Variants in LSAMP observed in about 807,000 individuals in gnomAD.
LSAMP encodes the protein limbic system-associated membrane protein.
A neutral mutation model predicts 38.6 loss-of-function variants in LSAMP; 7 were observed. The observed-to-expected ratio is 0.18, with a 90% CI of 0.10 to 0.34. LSAMP has a LOEUF of 0.34. LSAMP is among the 10% of genes least tolerant of loss of function. LSAMP has a pLI of 1.00. For synonymous variants in LSAMP, 154 were observed against 166.8 expected (o/e 0.92, Z 0.59); for missense variants, 313 against 420.0 (o/e 0.75, Z 2.23).
intron 1 of LSAMP, among the ~76,000 whole-genome samples, chr3:116,093,353 C>T (rs540714800): frequency 5.3e-5 from 8 of 152,288 alleles, no homozygotes; most frequent in Admixed American, 3.3e-4. Context: ...TTGACAGGAT[C>T]GAGGTTGAAA....
At chr3:115,832,341 A>G (rs1335953268) in intron 6 of LSAMP, among the ~76,000 whole-genome samples, 1 of 152,182 alleles carries the variant, frequency 6.6e-6, no homozygotes, top group East Asian at 1.9e-4. Flanking sequence ...ATTTTACGTC[A>G]ACCAATCTCT....
rs139608765 is a variant in LSAMP at position 116,167,614 on chromosome 3, A to G, written c.156-81058T>C. On this transcript the variant is annotated intron_variant, in intron 1 of 6. Transcript: ENST00000490035. ...TATCCATTTATCTGTCCTTCCATCC[A>G]TCTATTGAATTCTTGTCATGGACCA... 1.6e-4 allele frequency among the ~76,000 whole-genome samples: 24 copies of G among 152,248 alleles called. No homozygotes were observed. In the East Asian group the frequency reaches 4.6e-3, roughly 29 times the overall value.
At chr3:116,432,269 C>T (rs886959127) in intron 1 of LSAMP, among the ~76,000 whole-genome samples, 7 of 151,668 alleles carry the variant, frequency 4.6e-5, no homozygotes, top group East Asian at 1.9e-4. Flanking sequence ...ATTTTGTGTA[C>T]GTAAATTTTA....
intron 3 of LSAMP, among the ~76,000 whole-genome samples, chr3:115,940,767 T>A (rs2107558710): frequency 6.6e-6 from 1 of 152,342 alleles, no homozygotes; most frequent in Middle Eastern, 3.4e-3. Flanking sequence ...CCAGTCTATG[T>A]GTCTGCTTTC....
chr3:116,427,418 C>A (rs548630442), intron 1 of LSAMP, among the ~76,000 whole-genome samples: 67 of 152,340 alleles, frequency 4.4e-4, no homozygotes, highest in African/African-American at 1.6e-3. Context: ...CCGCGCCCGG[C>A]CCAAGACTCA....
intron 1 of LSAMP, among the ~76,000 whole-genome samples, chr3:116,132,358 G>A (rs1296672705): frequency 6.6e-6 from 1 of 152,058 alleles, no homozygotes; most frequent in Admixed American, 6.6e-5. Context: ...GCTGTGATAA[G>A]CCTCAGCCAG....
At chr3:116,424,222 G>A (rs960477704) in intron 1 of LSAMP, among the ~76,000 whole-genome samples, 1 of 152,162 alleles carries the variant, frequency 6.6e-6, no homozygotes, top group African/African-American at 2.4e-5. Flanking sequence ...GGCAATGTAT[G>A]TGACATGTCT....
At chr3:115,942,057 A>G (rs984613069) in intron 3 of LSAMP, among the ~76,000 whole-genome samples, 4 of 152,040 alleles carry the variant, frequency 2.6e-5, no homozygotes, top group Non-Finnish European at 5.9e-5. Flanking sequence ...ATTACTTGAC[A>G]ATTGTTTTTA....
chr3:116,166,578 AT>A (rs1710054611), intron 1 of LSAMP, among the ~76,000 whole-genome samples: 1 of 152,178 alleles, frequency 6.6e-6, no homozygotes, highest in Non-Finnish European at 1.5e-5. Flanking sequence ...GTGTCTGTGT[AT>A]ATATGCATGT....
At chr3:116,244,585 A>G (rs943605835) in intron 1 of LSAMP, among the ~76,000 whole-genome samples, 3 of 152,186 alleles carry the variant, frequency 2.0e-5, no homozygotes, top group African/African-American at 7.2e-5. Context: ...TAAGCATGCT[A>G]TCTTCAAACA....
At chr3:116,032,436 G>A (rs1305349881) in intron 2 of LSAMP, among the ~76,000 whole-genome samples, 1 of 152,122 alleles carries the variant, frequency 6.6e-6, no homozygotes, top group Non-Finnish European at 1.5e-5. Context: ...AAGCTAGAGA[G>A]TGAAAGTACT....
Position 116,409,936 on chromosome 3 carries a change from T to C in LSAMP, c.155+34941A>G, listed in dbSNP as rs528050431. ...CTCTCCCACTACGTGTCTGCTCAGATTCCTAACTCTGCCTCCTCTGCCACG... is the reference window on the plus strand; with the variant it reads ...CTCTCCCACTACGTGTCTGCTCAGACTCCTAACTCTGCCTCCTCTGCCACG... On this transcript the variant is annotated intron_variant, in intron 1 of 6. Coordinates refer to ENST00000490035, the MANE Select transcript of LSAMP (RefSeq NM_002338.5). Among the ~76,000 whole-genome samples the C allele has an allele frequency of 1.4e-3, 212 of 152,082 alleles. 2 individuals are homozygous for C. The highest frequency in any genetic ancestry group is 2.6e-3 in the Non-Finnish European group (175 of 67,994).
intron 1 of LSAMP, among the ~76,000 whole-genome samples, chr3:116,137,147 GTCT>G (rs773031216): frequency 7.9e-5 from 12 of 151,914 alleles, no homozygotes; most frequent in South Asian, 2.1e-4. Flanking sequence ...GTGTCTCTCT[GTCT>G]TCTTCTTTTT....
At chr3:116,264,211 T>C (rs2046866689) in intron 1 of LSAMP, among the ~76,000 whole-genome samples, 1 of 152,244 alleles carries the variant, frequency 6.6e-6, no homozygotes, top group African/African-American at 2.4e-5. Context: ...ACTCAATTTC[T>C]AGGTGAACCC....
At chr3:116,101,981 T>A (rs189115389) in intron 1 of LSAMP, among the ~76,000 whole-genome samples, 1 of 152,220 alleles carries the variant, frequency 6.6e-6, no homozygotes, top group Non-Finnish European at 1.5e-5. Flanking sequence ...TAGATCATAA[T>A]CAGTTTTCTC....
At position 115,955,839 on chromosome 3, in the gene LSAMP, A is replaced by C. The variant is rs148526513; in HGVS notation, c.514+63676T>G. Among the ~76,000 whole-genome samples, 474 of 152,294 alleles carry C rather than the reference A, an allele frequency of 3.1e-3. 3 individuals are homozygous for C. The highest frequency in any genetic ancestry group is 0.011 in the African/African-American group (439 of 41,578). On this transcript the variant is annotated intron_variant, in intron 3 of 6. Transcript: ENST00000490035. The stretch of plus-strand genomic sequence containing the variant: ...AACAAAAATCTCTAACATGAATGCT[A>C]TTGGTCCTGAGAAGGTCATTGGTAT...
intron 1 of LSAMP, among the ~76,000 whole-genome samples, chr3:116,432,975 T>C (rs1178601343): frequency 6.6e-6 from 1 of 152,186 alleles, no homozygotes; most frequent in African/African-American, 2.4e-5. Context: ...GATATGCTTA[T>C]ACAATTACAT....
intron 1 of LSAMP, among the ~76,000 whole-genome samples, chr3:116,403,863 A>G (rs2048871076): frequency 6.6e-6 from 1 of 151,692 alleles, no homozygotes. Flanking sequence ...CAATCCTCCA[A>G]CCTTAGCCTT....
chr3:116,243,161 C>T lies in LSAMP; in HGVS notation c.156-156605G>A, dbSNP rs548283283. On this transcript the variant is annotated intron_variant, in intron 1 of 6. Transcript: ENST00000490035. Reference sequence around the variant, plus strand: ...CAAATTCAGAGCAATGCACGTCTGTCCTGGGGATCTGGGGCTGTAGAAGAG... The same window carrying T: ...CAAATTCAGAGCAATGCACGTCTGTTCTGGGGATCTGGGGCTGTAGAAGAG... Among the ~76,000 whole-genome samples, 6 of 152,232 alleles carry T rather than the reference C, an allele frequency of 3.9e-5. No individual in the cohort carries two copies. In the East Asian group the frequency reaches 1.2e-3, roughly 29 times the overall value.
Sources: gnomAD v4.1 joint callset for allele counts (sites outside exome capture counted in the v4.1 genomes callset) on GRCh38, gnomAD v4.1.1 for gene constraint, MANE v1.5 for transcripts, NCBI Gene and HGNC (gene_info 2026-07-23, HGNC 2026-07-21) for gene names.